Variants in SH3BP5 observed in about 807,000 individuals in gnomAD.
The protein encoded by SH3BP5 is SH3 domain binding protein 5, also known as SH3 domain-binding protein 5.
A neutral mutation model predicts 43.3 loss-of-function variants in SH3BP5; 22 were observed. That is an observed-to-expected ratio of 0.51 (90% CI 0.36 to 0.73). The LOEUF (loss-of-function observed/expected upper bound fraction) is 0.73. Among genes scored for constraint, SH3BP5 ranks in the 30% least tolerant of loss-of-function variants. The probability of loss-of-function intolerance (pLI) is 0.00; values close to 1 mark genes in which losing one functional copy is unlikely to be tolerated. For missense variants in SH3BP5, 529 were observed against 586.9 expected, an observed-to-expected ratio of 0.90 and a Z score of 1.02; for synonymous variants, 255 against 225.8, an observed-to-expected ratio of 1.13 and a Z score of -1.16.
chr3:15,293,578 C>T lies in SH3BP5; in HGVS notation c.330+10525G>A, dbSNP rs139090198. Reference sequence around the variant, plus strand: ...ATAACTGCACCAATGAGCTCAAAAACTGCCTTTAGTCCTAAAAGCCCATTC... The same window carrying T: ...ATAACTGCACCAATGAGCTCAAAAATTGCCTTTAGTCCTAAAAGCCCATTC... On this transcript the variant is annotated intron_variant, in intron 3 of 8. Transcript: ENST00000383791. Among the ~76,000 whole-genome samples, 4 of 152,348 alleles carry T rather than the reference C, an allele frequency of 2.6e-5. No individual in the cohort carries two copies. In the East Asian group the frequency reaches 5.8e-4, roughly 22 times the overall value.
chr3:15,296,734 C>A (rs1454505400), intron 3 of SH3BP5, among the ~76,000 whole-genome samples: 3 of 137,728 alleles, frequency 2.2e-5, no homozygotes, highest in African/African-American at 9.0e-5. Flanking sequence ...CACTCTTTCA[C>A]CCAGACTAGA....
intron 7 of SH3BP5, chr3:15,258,119 T>C: frequency 6.6e-6 from 1 of 152,226 alleles, no homozygotes; most frequent in East Asian, 1.9e-4. Flanking sequence ...TACTTAAATA[T>C]TTGTTGAAGG....
chr3:15,337,587 G>C, intron 1 of SH3BP5, among the ~76,000 whole-genome samples: 1 of 151,998 alleles, frequency 6.6e-6, no homozygotes. Flanking sequence ...CAAATTCCTA[G>C]TCCTTTACTT....
intron 5 of SH3BP5, chr3:15,260,349 G>A (rs1209728732): frequency 6.3e-6 from 1 of 158,668 alleles, no homozygotes; most frequent in Non-Finnish European, 1.4e-5. Flanking sequence ...TCCAAAGACT[G>A]GAGTTATTAG....
chr3:15,301,461 C>T (rs902133710), intron 3 of SH3BP5, among the ~76,000 whole-genome samples: 2 of 152,144 alleles, frequency 1.3e-5, no homozygotes, highest in African/African-American at 2.4e-5. Flanking sequence ...ACTCTCTGCC[C>T]TTGCTGAGCT....
At chr3:15,278,196 G>A (rs1350945597) in intron 3 of SH3BP5, among the ~76,000 whole-genome samples, 2 of 152,248 alleles carry the variant, frequency 1.3e-5, no homozygotes, top group Admixed American at 6.5e-5. Context: ...GAATGTCACA[G>A]GCACTGCTGG....
At chr3:15,326,686 G>T (rs921034549) in intron 2 of SH3BP5, among the ~76,000 whole-genome samples, 2 of 152,172 alleles carry the variant, frequency 1.3e-5, no homozygotes, top group South Asian at 4.1e-4. Flanking sequence ...CCTGCTTTCA[G>T]TGCCCATCCT....
chr3:15,315,898 T>C lies in SH3BP5; in HGVS notation c.202-11667A>G, dbSNP rs79972581. On this transcript the variant is annotated intron_variant, in intron 2 of 8. Coordinates refer to ENST00000383791, the MANE Select transcript of SH3BP5 (RefSeq NM_004844.5). ...CACCATGCCCCTTTACCCTGAAATATTTCAGGTGCATATTTCCTAAAGATG... is the reference window on the plus strand; with the variant it reads ...CACCATGCCCCTTTACCCTGAAATACTTCAGGTGCATATTTCCTAAAGATG... Among the ~76,000 whole-genome samples, 14 of 152,282 alleles carry C rather than the reference T, an allele frequency of 9.2e-5. No homozygotes were observed. In the East Asian group the frequency reaches 2.5e-3, roughly 27 times the overall value.
Position 15,258,824 on chromosome 3 carries a change from G to C in SH3BP5, c.889+7C>G, listed in dbSNP as rs1009287153. ...TCCCCACATACCCAGTGGAGCCCCT[G>C]ACTTACCAGAAATGGCATCAGGCTC... On this transcript the variant is annotated splice_region_variant and intron_variant, in intron 7 of 8. Coordinates refer to ENST00000383791, the MANE Select transcript of SH3BP5 (RefSeq NM_004844.5). 2 of 1,611,710 alleles carry C rather than the reference G, an allele frequency of 1.2e-6. No homozygotes were observed.
At chr3:15,265,510 C>T (rs1390098923) in intron 4 of SH3BP5, among the ~76,000 whole-genome samples, 5 of 40,914 alleles carry the variant, frequency 1.2e-4, no homozygotes, top group South Asian at 7.1e-4. Context: ...GGCGAGACTC[C>T]GTCACACACA....
At chr3:15,326,663 C>A (rs767932385) in intron 2 of SH3BP5, among the ~76,000 whole-genome samples, 7 of 152,196 alleles carry the variant, frequency 4.6e-5, no homozygotes, top group Non-Finnish European at 8.8e-5. Flanking sequence ...TACACAGGAG[C>A]GACGTTCTGC....
chr3:15,276,293 G>C (rs1696965074), intron 3 of SH3BP5, among the ~76,000 whole-genome samples: 1 of 152,114 alleles, frequency 6.6e-6, no homozygotes, highest in African/African-American at 2.4e-5. Flanking sequence ...CAAGACAGGA[G>C]GGAGTTTACA....
At chr3:15,291,372 A>G (rs1697408792) in intron 3 of SH3BP5, among the ~76,000 whole-genome samples, 1 of 152,206 alleles carries the variant, frequency 6.6e-6, no homozygotes, top group East Asian at 1.9e-4. Context: ...GATCAACACT[A>G]CAAATTCCCT....
chr3:15,299,927 C>G (rs1697687942), intron 3 of SH3BP5, among the ~76,000 whole-genome samples: 1 of 152,048 alleles, frequency 6.6e-6, no homozygotes, highest in African/African-American at 2.4e-5. Flanking sequence ...ACTTTTATTT[C>G]AAAATATTCA....
rs73816163 is a variant in SH3BP5 at position 15,260,064 on chromosome 3, C to T, written c.627-261G>A. 2,310 of 520,696 alleles carry T rather than the reference C, an allele frequency of 4.4e-3. 43 individuals are homozygous for T. The highest frequency in any genetic ancestry group is 0.039 in the African/African-American group (2,049 of 52,108). 32.3% of individuals were successfully genotyped at this position (520,696 alleles called of 1,614,324 possible). On this transcript the variant is annotated intron_variant, in intron 5 of 8. Coordinates refer to ENST00000383791, the MANE Select transcript of SH3BP5 (RefSeq NM_004844.5). The stretch of plus-strand genomic sequence containing the variant: ...ACACGGGGAACCCACACACACATAT[C>T]TTGGGGACTCTGCAACTTAGCTCAT...
chr3:15,332,039 G>A lies in SH3BP5; in HGVS notation c.138+232C>T, dbSNP rs9865855. On this transcript the variant is annotated intron_variant, in intron 1 of 8. Transcript: ENST00000383791. ...CTGCACCGACCCCGATCCTGCTACG[G>A]GTCGGCGGGGGACTCCCCGCAATAG... The A allele has an allele frequency of 4.5e-5, 27 of 597,692 alleles. No homozygotes were observed. In the African/African-American group the frequency reaches 5.3e-4, roughly 12 times the overall value. 37.0% of individuals were successfully genotyped at this position (597,692 alleles called of 1,614,324 possible).
At chr3:15,303,027 C>T (rs1244951753) in intron 3 of SH3BP5, among the ~76,000 whole-genome samples, 3 of 152,112 alleles carry the variant, frequency 2.0e-5, no homozygotes, top group African/African-American at 7.2e-5. Context: ...AGGCTGGTCT[C>T]GAACTCCTGA....
At chr3:15,292,804 CACCATTGCACCCCAGCCTGGGCA>C (rs1441475224) in intron 3 of SH3BP5, among the ~76,000 whole-genome samples, 1 of 152,156 alleles carries the variant, frequency 6.6e-6, no homozygotes, top group Non-Finnish European at 1.5e-5. Flanking sequence ...GCCGAGATCA[CACCATTGCACCCCAGCCTGGGCA>C]ACAAAAGCGA....
chr3:15,286,086 G>A (rs1051242597), intron 3 of SH3BP5, among the ~76,000 whole-genome samples: 2 of 152,198 alleles, frequency 1.3e-5, no homozygotes, highest in African/African-American at 4.8e-5. Context: ...GAAGACGCTC[G>A]GCATGGCTGC....
Sources: gnomAD v4.1 joint callset for allele counts (sites outside exome capture counted in the v4.1 genomes callset) on GRCh38, gnomAD v4.1.1 for gene constraint, MANE v1.5 for transcripts, NCBI Gene and HGNC (gene_info 2026-07-23, HGNC 2026-07-21) for gene names.